The following IRAG1 variants were observed in gnomAD, a reference collection of about 807,000 sequenced individuals.
IRAG1 encodes the protein inositol 1,4,5-triphosphate receptor associated 1, also known as IP3R-associated cGMP kinase substrate.
Under a neutral mutation model 106.2 loss-of-function variants are expected in IRAG1, and 62 were observed. That is an observed-to-expected ratio of 0.58 (90% CI 0.48 to 0.72). The LOEUF (loss-of-function observed/expected upper bound fraction) is 0.72, where lower values mean the gene tolerates loss of function less well. Among genes scored for constraint, IRAG1 ranks in the 30% least tolerant of loss-of-function variants. The pLI, the probability that IRAG1 is intolerant of heterozygous loss-of-function variation, is 0.00. For missense variants in IRAG1, 1,064 were observed against 1,140.7 expected (o/e 0.93, Z 0.97); for synonymous variants, 462 against 443.9 (o/e 1.04, Z -0.51).
rs535459568 is a variant in IRAG1, at chr11:10,689,363, A to T, written c.67+4173T>A. Among the ~76,000 whole-genome samples the T allele has an allele frequency of 4.6e-5, 7 of 152,314 alleles. No individual in the cohort carries two copies. The East Asian group carries it at 1.4e-3, about 29-fold the overall frequency. On this transcript the variant is annotated intron_variant, in intron 1 of 20. Transcript: ENST00000423302. ...CTGGACAGTCGGTCAACCTACCTCA[A>T]ATAGAGGCTTTCTCTCCTTCATTCA...
rs374018270 is a variant in IRAG1, at chr11:10,657,569, C to T, written c.68-5387G>A. ...CCCTTTCGGGAAACCATGGGTTAAC[C>T]TAGCCTCCACTGACCTTTCTGGAGT... On this transcript the variant is annotated intron_variant, in intron 1 of 20. Coordinates refer to ENST00000423302, the MANE Select transcript of IRAG1 (RefSeq NM_130385.4). This position sits in a 1 kb window ranked among gnomAD's most constrained non-coding sequence, Gnocchi z 4.1. Among the ~76,000 whole-genome samples, 1 of 152,216 alleles carries T rather than the reference C, an allele frequency of 6.6e-6. No individual in the cohort carries two copies. The highest frequency in any genetic ancestry group is 1.9e-4 in the East Asian group (1 of 5,194).
chr11:10,622,896 C>CACACACACACACACACAT lies in IRAG1; in HGVS notation c.1447+881_1447+882insATGTGTGTGTGTGTGTGT, dbSNP rs543628217. Among the ~76,000 whole-genome samples the CACACACACACACACACAT allele has an allele frequency of 4.6e-5, 7 of 152,080 alleles. No homozygotes were observed. In the South Asian group the frequency reaches 6.2e-4, roughly 14 times the overall value. On this transcript the variant is annotated intron_variant, in intron 10 of 20. Transcript: ENST00000423302. ...CAGTGGACACACACACACACACACA[C>CACACACACACACACACAT]ACACACTCCTGCCCTTGGGGGCTTC... is the stretch of plus-strand genomic sequence containing the variant.
chr11:10,636,892 G>T lies in IRAG1; in HGVS notation c.226-2821C>A, dbSNP rs182607455. On this transcript the variant is annotated intron_variant, in intron 2 of 20. Coordinates refer to ENST00000423302, the MANE Select transcript of IRAG1 (RefSeq NM_130385.4). ...GCAAAAGGCATTACTGGGAATCAGGGATTTGTCAGTGTAGCTGGTGCAGGT... is the reference window on the plus strand; with the variant it reads ...GCAAAAGGCATTACTGGGAATCAGGTATTTGTCAGTGTAGCTGGTGCAGGT... Among the ~76,000 whole-genome samples the T allele has an allele frequency of 2.0e-3, 307 of 152,342 alleles. 1 individual carries two copies. Among genetic ancestry groups the T allele is most frequent in the African/African-American group, 7.2e-3 (298 of 41,582 alleles).
chr11:10,661,014 G>C (rs1859352991), intron 1 of IRAG1, among the ~76,000 whole-genome samples: 1 of 152,102 alleles, frequency 6.6e-6, no homozygotes, highest in Admixed American at 6.5e-5. Flanking sequence ...AATGATACCA[G>C]AGCAGTCTGT....
chr11:10,672,448 AG>A (rs1359603046), intron 1 of IRAG1, among the ~76,000 whole-genome samples: 1 of 152,256 alleles, frequency 6.6e-6, no homozygotes, highest in Non-Finnish European at 1.5e-5. Flanking sequence ...TATCTAATAA[AG>A]GACTTGAATA....
At chr11:10,643,642 T>G (rs575795666) in intron 2 of IRAG1, among the ~76,000 whole-genome samples, 1 of 152,314 alleles carries the variant, frequency 6.6e-6, no homozygotes, top group Admixed American at 6.5e-5. Context: ...CCATTTCTTC[T>G]GCCTTTTAAT....
At chr11:10,601,451 G>A (rs1026083798) in intron 14 of IRAG1, among the ~76,000 whole-genome samples, 1 of 152,212 alleles carries the variant, frequency 6.6e-6, no homozygotes, top group Non-Finnish European at 1.5e-5. Flanking sequence ...AGGCAGGGAA[G>A]CACAGGGCTT....
chr11:10,608,494 G>A (rs1284079686), intron 11 of IRAG1, among the ~76,000 whole-genome samples: 1 of 152,076 alleles, frequency 6.6e-6, no homozygotes, highest in African/African-American at 2.4e-5. Context: ...ACTCAGAGAA[G>A]TATGATTTAG....
At chr11:10,618,059 T>A (rs959899827) in intron 10 of IRAG1, among the ~76,000 whole-genome samples, 2 of 152,220 alleles carry the variant, frequency 1.3e-5, no homozygotes, top group African/African-American at 2.4e-5. Context: ...GCCTTCAATT[T>A]CCTTGGTCTC....
chr11:10,652,860 T>TA (rs946508601), intron 1 of IRAG1, among the ~76,000 whole-genome samples: 14 of 152,090 alleles, frequency 9.2e-5, no homozygotes, highest in African/African-American at 3.1e-4. Context: ...GTTCAGCCCT[T>TA]ATGGGGACTA....
At chr11:10,692,000 C>G (rs1862093936) in intron 1 of IRAG1, among the ~76,000 whole-genome samples, 1 of 152,156 alleles carries the variant, frequency 6.6e-6, no homozygotes, top group African/African-American at 2.4e-5. Context: ...GTGTTCAATA[C>G]ATAGTAAGAA....
Position 10,629,582 on chromosome 11 carries a change from C to T in IRAG1, c.530G>A (p.Arg177His), listed in dbSNP as rs367713023. ...GCTGCTCCTGGACTTCCTCCCACGG[C>T]GGGTCAGGAATCGCTCACTCACCAA... The part of the protein sequence containing the change: ...AKLVSERFLT[R>H]RGRKSRSSPG... The change falls in exon 5 of 21, where the codon CGC (arginine) becomes CAC (histidine). Residue 177 changes from arginine (R) to histidine (H), a missense_variant. Coordinates refer to ENST00000423302, the MANE Select transcript of IRAG1 (RefSeq NM_130385.4). 22 of 1,613,802 alleles carry T rather than the reference C, an allele frequency of 1.4e-5. No homozygotes were observed. Among genetic ancestry groups the T allele is most frequent in the African/African-American group, 6.7e-5 (5 of 74,932 alleles).
chr11:10,681,924 T>C (rs1248757218), intron 1 of IRAG1, among the ~76,000 whole-genome samples: 1 of 152,218 alleles, frequency 6.6e-6, no homozygotes, highest in East Asian at 1.9e-4. Flanking sequence ...TGAAATCTTA[T>C]TGTCCCAGCT....
intron 1 of IRAG1, chr11:10,690,373 A>G (rs1451729015): frequency 1.0e-6 from 1 of 966,940 alleles, no homozygotes; most frequent in Non-Finnish European, 1.4e-6. Context: ...ACCCTGTCTA[A>G]AAAAAAAAAA....
chr11:10,639,044 C>T (rs558405637), intron 2 of IRAG1, among the ~76,000 whole-genome samples: 27 of 152,234 alleles, frequency 1.8e-4, no homozygotes, highest in East Asian at 7.7e-4. Flanking sequence ...CTCAGCCTCC[C>T]GAGTAGCTGG....
chr11:10,659,041 C>T lies in IRAG1; in HGVS notation c.68-6859G>A, dbSNP rs1386141654. On this transcript the variant is annotated intron_variant, in intron 1 of 20. Transcript: ENST00000423302. The surrounding 1 kb of genome is among the most constrained non-coding windows in gnomAD (Gnocchi z 4.1). ...GTGCTGTGCTTGCCCCAGATCTGTG[C>T]TGTGCTTAGTCCCAGGTCTGGGCTG... is the stretch of plus-strand genomic sequence containing the variant. Among the ~76,000 whole-genome samples, 1 of 152,066 alleles carries T rather than the reference C, an allele frequency of 6.6e-6. No individual in the cohort carries two copies. Among genetic ancestry groups the T allele is most frequent in the Non-Finnish European group, 1.5e-5 (1 of 67,998 alleles).
chr11:10,627,672 C>A (rs957935540), intron 8 of IRAG1, 44 bp downstream of exon 8: 1 of 1,608,906 alleles, frequency 6.2e-7, no homozygotes, highest in East Asian at 2.2e-5. Flanking sequence ...GAGACTGTGC[C>A]CCCCACACTC....
chr11:10,679,024 C>T (rs1000059501), intron 1 of IRAG1, among the ~76,000 whole-genome samples: 1 of 152,128 alleles, frequency 6.6e-6, no homozygotes. Flanking sequence ...ATCCCTTGGA[C>T]CAAGGGGTCC....
At chr11:10,581,834 A>T in intron 19 of IRAG1, 33 bp downstream of exon 19, 1 of 1,606,148 alleles carries the variant, frequency 6.2e-7, no homozygotes, top group Non-Finnish European at 8.5e-7. Context: ...GAGAACTGCC[A>T]GGTGCCCTTG....
Sources: gnomAD v4.1 joint callset for allele counts (sites outside exome capture counted in the v4.1 genomes callset) on GRCh38, gnomAD v4.1.1 for gene constraint, Gnocchi (gnomAD v3.1) non-coding constraint, MANE v1.5 for transcripts, NCBI Gene and HGNC (gene_info 2026-07-23, HGNC 2026-07-21) for gene names.